The following GNL3L variants were observed in gnomAD, a reference collection of about 807,000 sequenced individuals.
GNL3L encodes G protein nucleolar 3 like, also known as guanine nucleotide-binding protein-like 3-like protein.
In GNL3L, 4 loss-of-function variants were observed where a neutral mutation model predicts 42.9. That is an observed-to-expected ratio of 0.09 (90% confidence interval 0.05 to 0.21). The LOEUF is 0.21. Ranked by LOEUF, GNL3L falls within the 10% of genes least tolerant of loss-of-function variation. GNL3L has a pLI of 1.00. For synonymous variants in GNL3L, 159 were observed against 176.3 expected (o/e 0.90, Z 0.78); for missense variants, 412 against 481.7 (o/e 0.86, Z 1.36).
Position 54,607,051 on chromosome X carries a change from T to C in GNL3L, c.*46-13794T>C, listed in dbSNP as rs979682869. Among the ~76,000 whole-genome samples the C allele has an allele frequency of 3.5e-4, 25 of 71,178 alleles. 1 individual carries two copies. Among genetic ancestry groups the C allele is most frequent in the Non-Finnish European group, 5.1e-4 (21 of 41,107 alleles). The allele number at this position is 71,178 out of a possible 115,157, so 61.8% of individuals were successfully genotyped here. A position where few individuals can be genotyped will look rare whatever the true frequency, so the allele number is the denominator to read the frequency against. On this transcript the variant is annotated intron_variant, in intron 16 of 16. Transcript: ENST00000674498. ...TTCTTTCTTTCTTTCTTTCTTTCTT[T>C]CTTTCTTTCTTTCTTTCTTTCTCTT...
rs151173433 is a variant in GNL3L at position 54,545,475 on chromosome X, G to A, written c.630+1149G>A. ...CCAGCCTTGGCTTCCCAAAATGCTA[G>A]GATTATAGCTGTGAGCCACTGTGCA... is the stretch of plus-strand genomic sequence containing the variant. On this transcript the variant is annotated intron_variant, in intron 8 of 15. Transcript: ENST00000360845. 9.7e-3 allele frequency among the ~76,000 whole-genome samples: 1,080 copies of A among 111,252 alleles called. 11 individuals carry two copies. Among genetic ancestry groups the A allele is most frequent in the African/African-American group, 0.033 (1,013 of 30,679 alleles).
intron 16 of GNL3L, among the ~76,000 whole-genome samples, chrX:54,584,897 G>A (rs1456248595): frequency 1.8e-5 from 2 of 111,947 alleles, no homozygotes; most frequent in Admixed American, 9.4e-5. Context: ...GCGATTCTCC[G>A]GTCTCAGCCT....
At chrX:54,531,120 T>TTAC (rs1924231872) in intron 1 of GNL3L, among the ~76,000 whole-genome samples, 1 of 111,640 alleles carries the variant, frequency 9.0e-6, no homozygotes, top group Non-Finnish European at 1.9e-5. Context: ...CCAACATGCT[T>TTAC]CGAAGCAAAC....
In GNL3L at chrX:54,543,357, G is replaced by C. The variant is rs375609156; in HGVS notation, c.526+15G>C. On this transcript the variant is annotated intron_variant, in intron 7 of 15. Coordinates refer to ENST00000360845, the MANE Select transcript of GNL3L (RefSeq NM_001184819.2). ...GAACAAGATTGGTGGGTGTTAGGCA[G>C]GATTGGGTGTGACAGGGAAGGTGGG... 59 of 1,206,510 alleles carry C rather than the reference G, an allele frequency of 4.9e-5. No individual in the cohort carries two copies. The highest frequency in any genetic ancestry group is 6.2e-5 in the Non-Finnish European group (55 of 892,629).
intron 16 of GNL3L, among the ~76,000 whole-genome samples, chrX:54,581,952 G>A (rs1158671140): frequency 1.8e-5 from 2 of 111,961 alleles, no homozygotes; most frequent in East Asian, 5.6e-4. Context: ...TCTGAGTTAT[G>A]TAGGAGTAGC....
Position 54,560,752 on chromosome X carries a change from C to A in GNL3L, c.*150C>A. 1 of 458,417 alleles carries A rather than the reference C, an allele frequency of 2.2e-6. No individual in the cohort carries two copies. Among genetic ancestry groups the A allele is most frequent in the Non-Finnish European group, 3.9e-6 (1 of 259,325 alleles). The allele number at this position is 458,417 out of a possible 1,213,427, so 37.8% of individuals were successfully genotyped here. On this transcript the variant is annotated 3_prime_UTR_variant, in exon 16 of 16. Coordinates refer to ENST00000360845, the MANE Select transcript of GNL3L (RefSeq NM_001184819.2). ...TCTTCTCCCCCTCCTCCAGTAAAAA[C>A]AGTCCCGGCTAGGTGCTGTGGCTCA...
At chrX:54,587,870 G>A (rs1925807606) in intron 16 of GNL3L, among the ~76,000 whole-genome samples, 1 of 110,362 alleles carries the variant, frequency 9.1e-6, no homozygotes, top group Non-Finnish European at 1.9e-5. Context: ...TAGCAGAGAT[G>A]GGGTTTCACC....
At chrX:54,552,195 T>A in intron 12 of GNL3L, 97 bp from the exon 13 acceptor site, 3 of 942,372 alleles carry the variant, frequency 3.2e-6, no homozygotes, top group Non-Finnish European at 4.5e-6. Flanking sequence ...GTTTTCTTGT[T>A]CCGTTGCTGT....
intron 16 of GNL3L, among the ~76,000 whole-genome samples, chrX:54,579,351 TAA>T (rs922165440): frequency 6.3e-5 from 7 of 111,965 alleles, no homozygotes; most frequent in African/African-American, 2.3e-4. Flanking sequence ...ATTTAAAAGT[TAA>T]GTCTATTACC....
intron 4 of GNL3L, among the ~76,000 whole-genome samples, chrX:54,540,704 C>T (rs1213509134): frequency 9.0e-6 from 1 of 111,022 alleles, no homozygotes; most frequent in East Asian, 2.8e-4. Flanking sequence ...GTTGTCCCGG[C>T]TGGAGTGCAG....
the GNL3L span, among the ~76,000 whole-genome samples, chrX:54,629,308 G>C: frequency 9.0e-6 from 1 of 111,437 alleles, no homozygotes; most frequent in Non-Finnish European, 1.9e-5. Flanking sequence ...ATGTTGAATA[G>C]AAGTGGTGAA....
chrX:54,607,978 T>C (rs923548277), intron 16 of GNL3L, among the ~76,000 whole-genome samples: 2 of 112,099 alleles, frequency 1.8e-5, no homozygotes, highest in Admixed American at 9.5e-5. Context: ...CTCAGAGACA[T>C]AATGTTAACT....
the GNL3L span, among the ~76,000 whole-genome samples, chrX:54,643,852 C>T: frequency 4.5e-5 from 5 of 111,523 alleles, no homozygotes; most frequent in Non-Finnish European, 7.5e-5. Flanking sequence ...TTAACTCCCA[C>T]GTATGAGTGA....
At chrX:54,639,671 TA>T in the GNL3L span, among the ~76,000 whole-genome samples, 1,725 of 110,812 alleles carry the variant, frequency 0.016, 18 homozygotes, top group East Asian at 0.052. Context: ...GTCGCCACTT[TA>T]AAAAAAACAT....
the GNL3L span, among the ~76,000 whole-genome samples, chrX:54,630,662 T>TTCCTTCCTTCC: frequency 0.018 from 978 of 53,340 alleles, 56 homozygotes; most frequent in African/African-American, 0.057. Context: ...TTTCTCCTTC[T>TTCCTTCCTTCC]TTCCTTCCTT....
chrX:54,618,657 G>A (rs1288134218), intron 16 of GNL3L, among the ~76,000 whole-genome samples: 2 of 111,758 alleles, frequency 1.8e-5, no homozygotes, highest in African/African-American at 6.5e-5. Context: ...AGTGCTTTGA[G>A]AGGCTGAGGC....
At chrX:54,638,766 T>C in the GNL3L span, among the ~76,000 whole-genome samples, 24 of 112,292 alleles carry the variant, frequency 2.1e-4, no homozygotes, top group Non-Finnish European at 1.9e-4. Flanking sequence ...TAGCCCATTT[T>C]AAACTGATAA....
intron 16 of GNL3L, among the ~76,000 whole-genome samples, chrX:54,596,420 C>T (rs910626302): frequency 8.9e-6 from 1 of 111,864 alleles, no homozygotes; most frequent in African/African-American, 3.2e-5. Flanking sequence ...CAAACAAAAT[C>T]TCTCTCTGTT....
At chrX:54,594,369 C>A (rs1925906494) in intron 16 of GNL3L, among the ~76,000 whole-genome samples, 1 of 110,843 alleles carries the variant, frequency 9.0e-6, no homozygotes, top group Non-Finnish European at 1.9e-5. Flanking sequence ...CCTTCTTTGT[C>A]TCTTCTTATA....
Sources: allele counts gnomAD v4.1 joint callset (sites outside exome capture counted in the v4.1 genomes callset), GRCh38; gene constraint gnomAD v4.1.1; transcripts MANE v1.5; gene names NCBI Gene and HGNC (gene_info 2026-07-23, HGNC 2026-07-21).